The following DNAAF6 variants were observed in gnomAD, a reference collection of about 807,000 sequenced individuals.
DNAAF6 encodes PIH1 domain containing 3.
A neutral mutation model predicts 13.7 loss-of-function variants in DNAAF6; 3 were observed. The observed-to-expected ratio is 0.22, with a 90% CI of 0.10 to 0.56. The LOEUF is 0.56. Among genes scored for constraint, DNAAF6 ranks in the 20% least tolerant of loss-of-function variants. The probability of loss-of-function intolerance (pLI) is 0.92; values close to 1 mark genes in which losing one functional copy is unlikely to be tolerated. For missense variants in DNAAF6, 130 were observed against 151.0 expected (o/e 0.86, Z 0.73); for synonymous variants, 54 against 49.2 (o/e 1.10, Z -0.41).
At chrX:107,240,895 TG>T (rs1264829373) in intron 6 of DNAAF6, among the ~76,000 whole-genome samples, 1 of 111,948 alleles carries the variant, frequency 8.9e-6, no homozygotes, top group Non-Finnish European at 1.9e-5. Flanking sequence ...AGCTAATTTT[TG>T]GTTGAGTGCT....
At chrX:107,241,308 AATTTC>A (rs1459475600) in intron 6 of DNAAF6, among the ~76,000 whole-genome samples, 8 of 111,797 alleles carry the variant, frequency 7.2e-5, no homozygotes, top group African/African-American at 2.6e-4. Context: ...GTTTGCATTT[AATTTC>A]TAATGAAAAT....
At chrX:107,239,122 G>A in intron 6 of DNAAF6, 115 bp downstream of exon 6, 3 of 986,111 alleles carry the variant, frequency 3.0e-6, no homozygotes, top group Non-Finnish European at 3.9e-6. Flanking sequence ...GAAGAAAAGT[G>A]GAAAATTTTG....
intron 5 of DNAAF6, among the ~76,000 whole-genome samples, chrX:107,230,827 A>G (rs1928374873): frequency 9.0e-6 from 1 of 111,609 alleles, no homozygotes; most frequent in Non-Finnish European, 1.9e-5. Context: ...GTTTCATCCA[A>G]TGTGACACTT....
At chrX:107,214,591 TATA>T (rs1315110211) in intron 2 of DNAAF6, among the ~76,000 whole-genome samples, 1 of 111,664 alleles carries the variant, frequency 9.0e-6, no homozygotes, top group Non-Finnish European at 1.9e-5. Flanking sequence ...GGAAAATTAC[TATA>T]ATAATGTATG....
rs186500866 is a variant in DNAAF6 at position 107,234,738 on chromosome X, A to G, written c.430-4184A>G. 6.2e-5 allele frequency among the ~76,000 whole-genome samples: 7 copies of G among 112,026 alleles called. No individual in the cohort carries two copies. The East Asian group carries it at 1.7e-3, about 27-fold the overall frequency. On this transcript the variant is annotated intron_variant, in intron 5 of 6. Transcript: ENST00000372453. The stretch of plus-strand genomic sequence containing the variant: ...CAGTAAATAGTGCTGGTCAAGTTAC[A>G]TATATTTTTTACTTATTCTTATCGT...
chrX:107,229,295 G>A (rs771043257), intron 5 of DNAAF6, among the ~76,000 whole-genome samples: 49 of 106,805 alleles, frequency 4.6e-4, no homozygotes, highest in South Asian at 8.7e-4. Flanking sequence ...GCGCCACTAC[G>A]CCTGGCTAAT....
intron 4 of DNAAF6, among the ~76,000 whole-genome samples, chrX:107,222,072 G>A (rs1202162674): frequency 9.0e-6 from 1 of 110,757 alleles, no homozygotes; most frequent in East Asian, 2.8e-4. Flanking sequence ...TCATGTGTGG[G>A]GTGAAATATC....
chrX:107,238,875 AT>A (rs760096999), intron 5 of DNAAF6, 46 bp from the exon 6 acceptor site: 19 of 1,194,525 alleles, frequency 1.6e-5, no homozygotes, highest in Non-Finnish European at 2.0e-5. Flanking sequence ...CTTCAAATTA[AT>A]TGCTCTCCAA....
At chrX:107,230,949 C>T (rs1928380568) in intron 5 of DNAAF6, among the ~76,000 whole-genome samples, 1 of 111,718 alleles carries the variant, frequency 9.0e-6, no homozygotes, top group South Asian at 3.8e-4. Flanking sequence ...TCCACCTAGT[C>T]CCTCAGATAA....
chrX:107,223,208 A>G (rs1928186134), intron 5 of DNAAF6, among the ~76,000 whole-genome samples: 1 of 111,610 alleles, frequency 9.0e-6, no homozygotes, highest in South Asian at 3.7e-4. Context: ...TTGACAGGCA[A>G]TCAGAATGAA....
intron 6 of DNAAF6, among the ~76,000 whole-genome samples, chrX:107,239,758 T>C (rs765212035): frequency 2.1e-4 from 23 of 112,023 alleles, no homozygotes; most frequent in Non-Finnish European, 3.8e-4. Context: ...CCCAAAATGG[T>C]CTACAGATAA....
intron 4 of DNAAF6, among the ~76,000 whole-genome samples, chrX:107,221,309 C>A (rs917582273): frequency 9.1e-6 from 1 of 109,779 alleles, no homozygotes; most frequent in Admixed American, 9.8e-5. Context: ...CCACCGCCCC[C>A]CCGGCCCCGC....
chrX:107,227,574 A>T (rs1928283116), intron 5 of DNAAF6, among the ~76,000 whole-genome samples: 1 of 109,255 alleles, frequency 9.2e-6, no homozygotes, highest in South Asian at 4.0e-4. Context: ...AGGATATCTG[A>T]TCTGTACTAT....
At chrX:107,221,636 C>T (rs903901063) in intron 4 of DNAAF6, among the ~76,000 whole-genome samples, 1 of 111,570 alleles carries the variant, frequency 9.0e-6, no homozygotes, top group East Asian at 2.8e-4. Flanking sequence ...AGAGCAGGAG[C>T]TTGAGCAAAT....
chrX:107,227,283 G>C (rs951977388), intron 5 of DNAAF6, among the ~76,000 whole-genome samples: 1 of 110,784 alleles, frequency 9.0e-6, no homozygotes, highest in Non-Finnish European at 1.9e-5. Context: ...GTAGAGATGG[G>C]GTTTCACCAT....
chrX:107,218,352 G>A (rs1244744056), intron 3 of DNAAF6, among the ~76,000 whole-genome samples: 2 of 111,910 alleles, frequency 1.8e-5, no homozygotes, highest in Non-Finnish European at 3.8e-5. Context: ...TGTCATGCTT[G>A]CATGGAAAAG....
intron 5 of DNAAF6, among the ~76,000 whole-genome samples, chrX:107,233,247 A>G (rs1325157302): frequency 8.9e-6 from 1 of 111,870 alleles, no homozygotes; most frequent in Non-Finnish European, 1.9e-5. Context: ...TAGGTGTACA[A>G]CATGATGTTT....
At chrX:107,232,423 C>T (rs1250561785) in intron 5 of DNAAF6, among the ~76,000 whole-genome samples, 1 of 111,761 alleles carries the variant, frequency 8.9e-6, no homozygotes, top group Non-Finnish European at 1.9e-5. Context: ...ACTCCTCTCC[C>T]ATCACAGGAA....
At chrX:107,237,937 C>T (rs748836483) in intron 5 of DNAAF6, among the ~76,000 whole-genome samples, 35 of 112,353 alleles carry the variant, frequency 3.1e-4, no homozygotes, top group South Asian at 1.1e-3. Flanking sequence ...GCCGAGATTG[C>T]CCCACTGTAC....
Sources: allele counts gnomAD v4.1 joint callset (sites outside exome capture counted in the v4.1 genomes callset), GRCh38; gene constraint gnomAD v4.1.1; transcripts MANE v1.5; gene names NCBI Gene and HGNC (gene_info 2026-07-23, HGNC 2026-07-21).